RABGAP1L: variants seen among roughly 807,000 people sequenced by gnomAD.
RABGAP1L encodes RAB GTPase activating protein 1 like.
A neutral mutation model predicts 137.7 loss-of-function variants in RABGAP1L; 63 were observed. The ratio of observed to expected loss-of-function variants is 0.46; its 90% confidence interval spans 0.37 to 0.56. The LOEUF is 0.56. RABGAP1L is among the 20% of genes least tolerant of loss of function. The pLI, the probability that RABGAP1L is intolerant of heterozygous loss-of-function variation, is 0.00. For missense variants in RABGAP1L, 1,095 were observed against 1,244.0 expected (o/e 0.88, Z 1.80); for synonymous variants, 431 against 433.7 (o/e 0.99, Z 0.08).
intron 15 of RABGAP1L, among the ~76,000 whole-genome samples, chr1:174,698,633 G>A (rs1347830585): frequency 6.6e-6 from 1 of 151,872 alleles, no homozygotes. Flanking sequence ...TGTTAAATGA[G>A]CTATAGTACT....
intron 13 of RABGAP1L, among the ~76,000 whole-genome samples, chr1:174,485,175 T>G (rs1289772186): frequency 1.3e-5 from 2 of 152,222 alleles, no homozygotes; most frequent in Non-Finnish European, 2.9e-5. Context: ...AAAAATGGTT[T>G]TTGTATGTTG....
chr1:174,325,473 A>C (rs1298265595), intron 11 of RABGAP1L, among the ~76,000 whole-genome samples: 1 of 152,222 alleles, frequency 6.6e-6, no homozygotes, highest in Admixed American at 6.5e-5. Context: ...CATGCAACCA[A>C]GGCTGTAAAG....
At chr1:174,297,578 C>T (rs2148741222) in intron 10 of RABGAP1L, among the ~76,000 whole-genome samples, 1 of 152,254 alleles carries the variant, frequency 6.6e-6, no homozygotes, top group African/African-American at 2.4e-5. Flanking sequence ...TATCTAACTG[C>T]TGTTAGATTA....
rs148728564 is a variant in RABGAP1L at position 174,645,787 on chromosome 1, T to C, written c.1824+8299T>C. Among the ~76,000 whole-genome samples, 1,015 of 151,366 alleles carry C rather than the reference T, an allele frequency of 6.7e-3. 8 individuals carry two copies. The highest frequency in any genetic ancestry group is 0.01 in the Middle Eastern group (3 of 292). On this transcript the variant is annotated intron_variant, in intron 14 of 25. Transcript: ENST00000681986. ...TTTCTAGTTCTAGATCCTTGAGGAA[T>C]CTTCCACAATGGTTGAACTAATTTA...
intron 13 of RABGAP1L, among the ~76,000 whole-genome samples, chr1:174,458,329 T>TTACAGAAAAAAAATTTTTTTCTG (rs974932762): frequency 5.3e-5 from 8 of 151,710 alleles, no homozygotes; most frequent in African/African-American, 9.7e-5. Context: ...AGAAAAAAAT[T>TTACAGAAAAAAAATTTTTTTCTG]TACAGAAAAA....
At chr1:174,483,758 T>G (rs1160999642) in intron 13 of RABGAP1L, among the ~76,000 whole-genome samples, 1 of 150,832 alleles carries the variant, frequency 6.6e-6, no homozygotes, top group Non-Finnish European at 1.5e-5. Flanking sequence ...ATTCATAAGG[T>G]GGAGGTTCTA....
chr1:174,421,783 T>A (rs1356166410), intron 13 of RABGAP1L, among the ~76,000 whole-genome samples: 1 of 152,234 alleles, frequency 6.6e-6, no homozygotes, highest in Non-Finnish European at 1.5e-5. Context: ...GTGTTTTTGT[T>A]TTTGAGACGG....
At chr1:174,856,214 G>A (rs1649255452) in intron 19 of RABGAP1L, among the ~76,000 whole-genome samples, 1 of 151,974 alleles carries the variant, frequency 6.6e-6, no homozygotes, top group South Asian at 2.1e-4. Flanking sequence ...GGCCAAGATG[G>A]TGAAACCCCA....
chr1:174,274,690 G>A (rs1463248412), intron 8 of RABGAP1L, among the ~76,000 whole-genome samples: 1 of 151,624 alleles, frequency 6.6e-6, no homozygotes, highest in Non-Finnish European at 1.5e-5. Context: ...GCTGCTGAGA[G>A]GGTTTCGTTT....
chr1:174,872,934 G>T (rs1421314060), intron 19 of RABGAP1L, among the ~76,000 whole-genome samples: 1 of 152,134 alleles, frequency 6.6e-6, no homozygotes, highest in Non-Finnish European at 1.5e-5. Flanking sequence ...TTTGCATAGA[G>T]TTACCTAGGA....
chr1:174,303,891 T>C (rs1188519982), intron 10 of RABGAP1L, among the ~76,000 whole-genome samples: 1 of 152,178 alleles, frequency 6.6e-6, no homozygotes, highest in Non-Finnish European at 1.5e-5. Flanking sequence ...AGAACAGTTT[T>C]ATTTCCAATC....
chr1:174,676,410 G>A (rs1677631336), intron 14 of RABGAP1L, among the ~76,000 whole-genome samples: 1 of 152,038 alleles, frequency 6.6e-6, no homozygotes, highest in Non-Finnish European at 1.5e-5. Flanking sequence ...CTAGGTTACT[G>A]ATTCAGTTTG....
At chr1:174,986,741 A>C (rs995667799) in intron 24 of RABGAP1L, among the ~76,000 whole-genome samples, 1 of 152,198 alleles carries the variant, frequency 6.6e-6, no homozygotes, top group Non-Finnish European at 1.5e-5. Context: ...TGCTTAAGCC[A>C]TTTTAAATTC....
At chr1:174,173,908 A>G (rs1257122111) in intron 1 of RABGAP1L, among the ~76,000 whole-genome samples, 1 of 152,198 alleles carries the variant, frequency 6.6e-6, no homozygotes, top group Admixed American at 6.5e-5. Flanking sequence ...TGAAACTTTG[A>G]AATAGTAAGT....
In RABGAP1L at chr1:174,989,938, G is replaced by A. The variant is rs1306756337; in HGVS notation, c.3093G>A (p.Thr1031=). Reference sequence around the variant, plus strand: ...GCAAAACCCTGAACTCTATCAAAACGGCCACGGGCACCCAGCCATTGCAGC... The same window carrying A: ...GCAAAACCCTGAACTCTATCAAAACAGCCACGGGCACCCAGCCATTGCAGC... The part of the protein sequence containing the change: ...WFSKTLNSIK[T]ATGTQPLQPA... Residue 1031 remains threonine (T), a synonymous_variant, in exon 26 of 26, where the codon ACG becomes ACA. Coordinates refer to ENST00000681986, the MANE Select transcript of RABGAP1L (RefSeq NM_001366446.1). 2.6e-6 allele frequency: 4 copies of A among 1,549,678 alleles called. No homozygotes were observed. The highest frequency in any genetic ancestry group is 2.0e-5 in the Admixed American group (1 of 50,988).
intron 13 of RABGAP1L, among the ~76,000 whole-genome samples, chr1:174,614,225 C>T (rs1671561272): frequency 6.6e-6 from 1 of 152,156 alleles, no homozygotes; most frequent in South Asian, 2.1e-4. Flanking sequence ...TTAGCGCTTC[C>T]TTCAGGAGCT....
intron 17 of RABGAP1L, among the ~76,000 whole-genome samples, chr1:174,744,353 C>T: frequency 6.6e-6 from 1 of 152,040 alleles, no homozygotes; most frequent in East Asian, 1.9e-4. Flanking sequence ...TAACTTATTT[C>T]TTTTTGCGTG....
intron 19 of RABGAP1L, among the ~76,000 whole-genome samples, chr1:174,915,736 T>C (rs6658058): frequency 0.024 from 3,590 of 152,364 alleles, 60 homozygotes; most frequent in Middle Eastern, 0.082. Context: ...ATTATAGGCG[T>C]GAGCCACCAC....
At position 174,241,613 on chromosome 1, in the gene RABGAP1L, G is replaced by A. The variant is rs1007693513; in HGVS notation, c.673G>A (p.Glu225Lys). 6.2e-7 allele frequency: 1 copy of A among 1,613,698 alleles called. No homozygotes were observed. The highest frequency in any genetic ancestry group is 8.5e-7 in the Non-Finnish European group (1 of 1,179,922). The part of the protein sequence containing the change: ...FAFTESSHGS[E>K]EFQIHVFSCE... ...ATTTACAGAGAGTTCCCATGGTTCG[G>A]AAGAATTTCAGATACATGTTTTCTC... is the stretch of plus-strand genomic sequence containing the variant. The change falls in exon 5 of 26, where the codon GAA (glutamate) becomes AAA (lysine). Residue 225 changes from glutamate to lysine, a missense_variant. Around this residue, in one of 4 missense-constraint regions of RABGAP1L, gnomAD observed 356 missense variants for 326.3 expected, o/e 1.09. Transcript: ENST00000681986.
Sources: allele counts gnomAD v4.1 joint callset (sites outside exome capture counted in the v4.1 genomes callset), GRCh38; gene constraint gnomAD v4.1.1; regional missense constraint gnomAD v4.1.1; transcripts MANE v1.5; gene names NCBI Gene and HGNC (gene_info 2026-07-23, HGNC 2026-07-21).